GLIS3: variants seen among roughly 807,000 people sequenced by gnomAD.
The protein encoded by GLIS3 is zinc finger protein GLIS3.
Under a neutral mutation model 78.6 loss-of-function variants are expected in GLIS3, and 53 were observed. The observed-to-expected ratio is 0.67, with a 90% CI of 0.54 to 0.85. The LOEUF is 0.85. Ranked by LOEUF, GLIS3 falls within the 40% of genes least tolerant of loss-of-function variation. The probability of loss-of-function intolerance (pLI) is 0.00; values close to 1 mark genes in which losing one functional copy is unlikely to be tolerated. For synonymous variants in GLIS3, 684 were observed against 509.9 expected (o/e 1.34, Z -4.60); for missense variants, 1,703 against 1,231.1 (o/e 1.38, Z -5.74).
At chr9:4,075,434 G>C (rs1434628036) in intron 4 of GLIS3, among the ~76,000 whole-genome samples, 6 of 93,538 alleles carry the variant, frequency 6.4e-5, no homozygotes, top group African/African-American at 2.3e-4. Context: ...AAATTAGCTG[G>C]GCATAGTGGC....
At chr9:4,198,323 A>G (rs556348219) in intron 2 of GLIS3, among the ~76,000 whole-genome samples, 2 of 152,326 alleles carry the variant, frequency 1.3e-5, no homozygotes, top group African/African-American at 4.8e-5. Context: ...CATTAATCTA[A>G]TTCTAAAAAT....
chr9:4,169,256 T>A (rs1816156440), intron 2 of GLIS3, among the ~76,000 whole-genome samples: 1 of 152,226 alleles, frequency 6.6e-6, no homozygotes, highest in Admixed American at 6.5e-5. Flanking sequence ...TACTTTGTAT[T>A]CACTGACCTT....
intron 4 of GLIS3, among the ~76,000 whole-genome samples, chr9:3,966,435 C>CTTTTTTTTTTTTTTTTTTTTTTTTTTTTT (rs764863612): frequency 6.6e-6 from 1 of 150,740 alleles, no homozygotes; most frequent in African/African-American, 2.5e-5. Flanking sequence ...TGATGCAAAG[C>CTTTTTTTTTTTTTTTTTTTTTTTTTTTTT]CTTTTTTTTT....
intron 2 of GLIS3, among the ~76,000 whole-genome samples, chr9:4,236,493 G>GT (rs1252475222): frequency 1.3e-5 from 2 of 152,134 alleles, no homozygotes; most frequent in East Asian, 3.8e-4. Context: ...AAGTTAAACA[G>GT]TTTTTTTGTT....
At chr9:4,018,048 G>C (rs973617869) in intron 4 of GLIS3, among the ~76,000 whole-genome samples, 2 of 152,170 alleles carry the variant, frequency 1.3e-5, no homozygotes, top group South Asian at 2.1e-4. Flanking sequence ...TCAGTGCTGT[G>C]ATAATCCTCA....
chr9:4,126,021 C>G (rs1420115719), intron 2 of GLIS3, 80 bp from the exon 3 acceptor site: 2 of 1,069,580 alleles, frequency 1.9e-6, no homozygotes, highest in Non-Finnish European at 2.9e-6. Flanking sequence ...ACGCTTATAT[C>G]AGGACCCATC....
At chr9:4,146,121 G>C (rs373676678) in intron 2 of GLIS3, among the ~76,000 whole-genome samples, 1 of 152,106 alleles carries the variant, frequency 6.6e-6, no homozygotes, top group Non-Finnish European at 1.5e-5. Flanking sequence ...GTCAAATTCA[G>C]TTCTTAACAT....
chr9:3,862,932 A>G (rs1820317013), intron 8 of GLIS3, among the ~76,000 whole-genome samples: 1 of 152,124 alleles, frequency 6.6e-6, no homozygotes, highest in Non-Finnish European at 1.5e-5. Flanking sequence ...TATTTCCCCA[A>G]AGAATTGTGG....
At chr9:4,138,155 G>A (rs1448241302) in intron 2 of GLIS3, among the ~76,000 whole-genome samples, 1 of 152,210 alleles carries the variant, frequency 6.6e-6, no homozygotes, top group South Asian at 2.1e-4. Context: ...GGACACATCT[G>A]TGAAAATATA....
intron 7 of GLIS3, 88 bp downstream of exon 7, chr9:3,898,603 A>T (rs1046037850): frequency 1.3e-6 from 2 of 1,541,718 alleles, no homozygotes; most frequent in African/African-American, 2.7e-5. Flanking sequence ...ATCTTAGGAA[A>T]ATTTTTCTCA....
At chr9:3,942,005 A>T (rs948297400) in intron 4 of GLIS3, among the ~76,000 whole-genome samples, 13 of 152,216 alleles carry the variant, frequency 8.5e-5, no homozygotes, top group African/African-American at 3.1e-4. Flanking sequence ...TCTAAAAATG[A>T]AAGGCTCATT....
intron 2 of GLIS3, among the ~76,000 whole-genome samples, chr9:4,156,178 A>G (rs1017744258): frequency 6.6e-6 from 1 of 151,880 alleles, no homozygotes; most frequent in Non-Finnish European, 1.5e-5. Context: ...GCCTTCCTTC[A>G]CTCTTCCATT....
chr9:4,061,661 A>T (rs1261808847), intron 4 of GLIS3, among the ~76,000 whole-genome samples: 1 of 152,194 alleles, frequency 6.6e-6, no homozygotes, highest in Non-Finnish European at 1.5e-5. Flanking sequence ...ACTTTTTTAG[A>T]GTCTCGGGTA....
At chr9:3,912,426 C>A (rs1206379629) in intron 6 of GLIS3, among the ~76,000 whole-genome samples, 1 of 152,096 alleles carries the variant, frequency 6.6e-6, no homozygotes, top group Non-Finnish European at 1.5e-5. Flanking sequence ...GAAACCAGAA[C>A]CCACAACAAA....
intron 4 of GLIS3, among the ~76,000 whole-genome samples, chr9:4,051,546 C>T (rs577349369): frequency 6.6e-6 from 1 of 152,072 alleles, no homozygotes; most frequent in East Asian, 1.9e-4. Context: ...AACAAAAAGC[C>T]CAAAGAGGCC....
chr9:4,085,701 T>C (rs1828965497), intron 4 of GLIS3, among the ~76,000 whole-genome samples: 1 of 152,216 alleles, frequency 6.6e-6, no homozygotes, highest in Non-Finnish European at 1.5e-5. Context: ...GGTTTAGCGC[T>C]ATCCCCTCGG....
At chr9:4,162,306 T>G (rs1208915061) in intron 2 of GLIS3, among the ~76,000 whole-genome samples, 2 of 152,126 alleles carry the variant, frequency 1.3e-5, no homozygotes, top group Non-Finnish European at 2.9e-5. Context: ...CTACAAAAGC[T>G]CTATCTCCAG....
intron 2 of GLIS3, among the ~76,000 whole-genome samples, chr9:4,331,233 T>G (rs1817680389): frequency 6.6e-6 from 1 of 152,206 alleles, no homozygotes; most frequent in Non-Finnish European, 1.5e-5. Flanking sequence ...CTCCTTGGCT[T>G]GTGGCAGCAT....
chr9:4,066,094 A>G (rs1447465463), intron 4 of GLIS3, among the ~76,000 whole-genome samples: 1 of 152,084 alleles, frequency 6.6e-6, no homozygotes, highest in Non-Finnish European at 1.5e-5. Flanking sequence ...AATTTTAAGA[A>G]AAAAAAATCA....
Sources: gnomAD v4.1 joint callset for allele counts (sites outside exome capture counted in the v4.1 genomes callset) on GRCh38, gnomAD v4.1.1 for gene constraint, MANE v1.5 for transcripts, NCBI Gene and HGNC (gene_info 2026-07-23, HGNC 2026-07-21) for gene names.